The following OR52N5 variants were observed in gnomAD, a reference collection of about 807,000 sequenced individuals.
OR52N5 encodes olfactory receptor 52N5.
A neutral mutation model predicts 14.1 loss-of-function variants in OR52N5; 10 were observed. The ratio of observed to expected loss-of-function variants is 0.71; its 90% CI spans 0.44 to 1.20. OR52N5 has a LOEUF of 1.20. Among genes scored for constraint, OR52N5 ranks in the 50% most tolerant of loss-of-function variants. The probability of loss-of-function intolerance (pLI) is 0.00; values close to 1 mark genes in which losing one functional copy is unlikely to be tolerated. For missense variants in OR52N5, 361 were observed against 403.2 expected, an observed-to-expected ratio of 0.90 and a Z score of 0.90; for synonymous variants, 116 against 143.0, an observed-to-expected ratio of 0.81 and a Z score of 1.35.
At position 5,777,726 on chromosome 11, in the gene OR52N5, TCC is replaced by T. The variant is rs1475127085; in HGVS notation, c.907_908del (p.Gly303SerfsTer17). 2.6e-6 allele frequency: 4 copies of T among 1,514,478 alleles called. 1 individual carries two copies. Among genetic ancestry groups the T allele is most frequent in the Non-Finnish European group, 3.6e-6 (4 of 1,110,086 alleles). The allele number at this position is 1,514,478 out of a possible 1,614,324, so 93.8% of individuals were successfully genotyped here. On this transcript the variant is annotated frameshift_variant, in exon 3 of 3. Coordinates refer to ENST00000641181, the MANE Select transcript of OR52N5 (RefSeq NM_001385662.1). LOFTEE classifies it high-confidence loss of function. Reference sequence around the variant, plus strand: ...TCTTGCGTATCTGTTTTGTCTTTACTCCATAAACAATAGGGTTTAGAGTTGGG... The same window carrying T: ...TCTTGCGTATCTGTTTTGTCTTTACTATAAACAATAGGGTTTAGAGTTGGG... ...LPPTLNPIVY[G>X]VKTKQIRKSV... is the part of the protein sequence containing the mutation.
In OR52N5 at chr11:5,778,050, C is replaced by G. The variant is rs1395206912; in HGVS notation, c.585G>C (p.Lys195Asn). ...HTYCDHMSVV[K>N]LSCASIKVNV... ...TGACCTTGATGCTGGCACAAGATAG[C>G]TTTACTACAGACATGTGGTCGCAGT... Residue 195 changes from lysine (K) to asparagine (N), a missense_variant, in exon 3 of 3, where the codon AAG becomes AAC. By Grantham distance (94) the Lys-to-Asn change is moderately conservative. Transcript: ENST00000641181. 2.0e-6 allele frequency: 3 copies of G among 1,520,918 alleles called. 1 individual carries two copies. In the African/African-American group the frequency reaches 4.3e-5, roughly 22 times the overall value. 94.2% of individuals were successfully genotyped at this position (1,520,918 alleles called of 1,614,324 possible).
rs537843413 is a variant in OR52N5, at chr11:5,780,334, C to T, written c.-24+1199G>A. On this transcript the variant is annotated intron_variant, in intron 2 of 2. Transcript: ENST00000641181. Reference sequence around the variant, plus strand: ...GGTTTAAATACTTGCTAATCCCCCCCAGATACATATACTTAAAGTCTATGT... The same window carrying T: ...GGTTTAAATACTTGCTAATCCCCCCTAGATACATATACTTAAAGTCTATGT... Among the ~76,000 whole-genome samples the T allele has an allele frequency of 1.1e-4, 15 of 139,820 alleles. 2 individuals carry two copies. In the South Asian group the frequency reaches 2.3e-3, roughly 22 times the overall value. The allele number at this position is 139,820 out of a possible 152,430, so 91.7% of individuals were successfully genotyped here.
Position 5,778,115 on chromosome 11 carries a change from G to A in OR52N5, c.520C>T (p.Arg174Cys), listed in dbSNP as rs563908927. Residue 174 changes from arginine (R) to cysteine (C), a missense_variant, in exon 3 of 3, where the codon CGT becomes TGT. Arg to Cys is a radical substitution (Grantham distance 180). Transcript: ENST00000641181. ...ATATTGCTTTGGCAGAAAGGCAAAC[G>A]CTTAACCAAGAATGGGAAAGGAATC... ...LMIPFPFLVK[R>C]LPFCQSNIIS... 50 of 1,520,536 alleles carry A rather than the reference G, an allele frequency of 3.3e-5. 8 individuals carry two copies. The highest frequency in any genetic ancestry group is 9.3e-5 in the East Asian group (4 of 42,890). The allele number at this position is 1,520,536 out of a possible 1,614,324, so 94.2% of individuals were successfully genotyped here. A position where few individuals can be genotyped will look rare whatever the true frequency, so the allele number is the denominator to read the frequency against.
Position 5,778,430 on chromosome 11 carries a change from A to G in OR52N5, c.205T>C (p.Phe69Leu). The G allele has an allele frequency of 6.6e-7, 1 of 1,517,492 alleles. No homozygotes were observed. The highest frequency in any genetic ancestry group is 9.0e-7 in the Non-Finnish European group (1 of 1,111,638). The allele number at this position is 1,517,492 out of a possible 1,614,324, so 94.0% of individuals were successfully genotyped here. The change falls in exon 3 of 3, where the codon TTT becomes CTT. Residue 69 changes from phenylalanine (F) to leucine (L), a missense_variant. Physicochemically the swap from Phe to Leu is conservative, Grantham distance 22. Coordinates refer to ENST00000641181, the MANE Select transcript of OR52N5 (RefSeq NM_001385662.1). ...AGGGAGAGAGCATGGCCAAAAAAAA[A>G]ATACATCGGATGATGTAAGGACTCC... ...YEESLHHPMY[F>L]FFGHALSLID...
chr11:5,782,860 T>C (rs1344013271), intron 1 of OR52N5, among the ~76,000 whole-genome samples: 1 of 139,234 alleles, frequency 7.2e-6, no homozygotes, highest in Non-Finnish European at 1.6e-5. Flanking sequence ...CCAAGTTGTA[T>C]GACCCAACTT....
At position 5,781,928 on chromosome 11, in the gene OR52N5, T is replaced by C. The variant is rs1466700557; in HGVS notation, c.-247-172A>G. 2.1e-5 allele frequency among the ~76,000 whole-genome samples: 3 copies of C among 140,364 alleles called. 1 individual carries two copies. The Admixed American group carries it at 2.2e-4, about 10-fold the overall frequency. 92.1% of individuals were successfully genotyped at this position (140,364 alleles called of 152,430 possible). Reference sequence around the variant, plus strand: ...CTAGTGATGGCTTGGAACAGTATTTTTTCAAGGAATTCAGGAACCAGTACA... The same window carrying C: ...CTAGTGATGGCTTGGAACAGTATTTCTTCAAGGAATTCAGGAACCAGTACA... On this transcript the variant is annotated intron_variant, in intron 1 of 2. Transcript: ENST00000641181.
rs143076189 is a variant in OR52N5 at position 5,778,894 on chromosome 11, A to G, written c.-23-237T>C. Among the ~76,000 whole-genome samples the G allele has an allele frequency of 2.3e-3, 318 of 140,290 alleles. 50 individuals carry two copies. The highest frequency in any genetic ancestry group is 7.8e-3 in the African/African-American group (301 of 38,416). 92.0% of individuals were successfully genotyped at this position (140,290 alleles called of 152,430 possible). A position where few individuals can be genotyped will look rare whatever the true frequency, so the allele number is the denominator to read the frequency against. ...AGTTGTATTTTTTTTACCACAAAATAAAAGTAGAAACTGGGGCGCAGAAAG... is the reference window on the plus strand; with the variant it reads ...AGTTGTATTTTTTTTACCACAAAATGAAAGTAGAAACTGGGGCGCAGAAAG... On this transcript the variant is annotated intron_variant, in intron 2 of 2. Coordinates refer to ENST00000641181, the MANE Select transcript of OR52N5 (RefSeq NM_001385662.1).
chr11:5,780,164 C>T lies in OR52N5; in HGVS notation c.-24+1369G>A, dbSNP rs1322262649. ...TCTTCCCATTACTTTGAGAACAGGG[C>T]TCAAATTCCTTGGTATGACATTTAA... is the stretch of plus-strand genomic sequence containing the variant. On this transcript the variant is annotated intron_variant, in intron 2 of 2. Coordinates refer to ENST00000641181, the MANE Select transcript of OR52N5 (RefSeq NM_001385662.1). Among the ~76,000 whole-genome samples, 3 of 139,664 alleles carry T rather than the reference C, an allele frequency of 2.1e-5. 1 individual carries two copies. In the East Asian group the frequency reaches 6.1e-4, roughly 29 times the overall value. 91.6% of individuals were successfully genotyped at this position (139,664 alleles called of 152,430 possible). A position where few individuals can be genotyped will look rare whatever the true frequency, so the allele number is the denominator to read the frequency against.
chr11:5,777,992 T>C lies in OR52N5; in HGVS notation c.643A>G (p.Ile215Val). 1.3e-6 allele frequency: 2 copies of C among 1,519,508 alleles called. 1 individual carries two copies. Among genetic ancestry groups the C allele is most frequent in the Non-Finnish European group, 1.8e-6 (2 of 1,112,938 alleles). The allele number at this position is 1,519,508 out of a possible 1,614,324, so 94.1% of individuals were successfully genotyped here. The change falls in exon 3 of 3, where the codon ATT (isoleucine) becomes GTT (valine). Residue 215 changes from isoleucine (I) to valine (V), a missense_variant. Transcript: ENST00000641181. ...ATACAACAAATGTCAAACACTCCAA[T>C]CAGGAGAGCAACCATTAGACCATAG... is the stretch of plus-strand genomic sequence containing the variant. ...VIYGLMVALL[I>V]GVFDICCISL...
intron 2 of OR52N5, among the ~76,000 whole-genome samples, chr11:5,779,211 T>A (rs1397975635): frequency 2.1e-5 from 3 of 140,434 alleles, no homozygotes; most frequent in Non-Finnish European, 4.7e-5. Context: ...CAAGCCTCAG[T>A]TGCTCATCTT....
Position 5,777,576 on chromosome 11 carries a change from G to C in OR52N5, c.*84C>G, listed in dbSNP as rs181482543. 417 of 1,063,942 alleles carry C rather than the reference G, an allele frequency of 3.9e-4. 59 individuals are homozygous for C. The African/African-American group carries it at 6.4e-3, about 16-fold the overall frequency. The allele number at this position is 1,063,942 out of a possible 1,614,324, so 65.9% of individuals were successfully genotyped here. A position where few individuals can be genotyped will look rare whatever the true frequency, so the allele number is the denominator to read the frequency against. On this transcript the variant is annotated 3_prime_UTR_variant, in exon 3 of 3. Coordinates refer to ENST00000641181, the MANE Select transcript of OR52N5 (RefSeq NM_001385662.1). Reference sequence around the variant, plus strand: ...AGAGAAAATGTATGATACTACACATGAATAAATGTAAAATATCACACGTAA... The same window carrying C: ...AGAGAAAATGTATGATACTACACATCAATAAATGTAAAATATCACACGTAA...
At chr11:5,782,739 G>A (rs1405966502) in intron 1 of OR52N5, among the ~76,000 whole-genome samples, 2 of 139,014 alleles carry the variant, frequency 1.4e-5, no homozygotes, top group African/African-American at 5.3e-5. Context: ...ACTGACCTGT[G>A]AGCTCTTTTA....
In OR52N5 at chr11:5,777,966, T is replaced by C. The variant is rs1171130885; in HGVS notation, c.669A>G (p.Ile223Met). The C allele has an allele frequency of 3.3e-6, 5 of 1,520,262 alleles. 1 individual carries two copies. The South Asian group carries it at 4.7e-5, about 14-fold the overall frequency. 94.2% of individuals were successfully genotyped at this position (1,520,262 alleles called of 1,614,324 possible). ...LLIGVFDICC[I>M]SLSYTLILKA... Reference sequence around the variant, plus strand: ...TGAGGATCAAAGTGTAAGACAAAGATATACAACAAATGTCAAACACTCCAA... The same window carrying C: ...TGAGGATCAAAGTGTAAGACAAAGACATACAACAAATGTCAAACACTCCAA... The change falls in exon 3 of 3, where the codon ATA becomes ATG. Residue 223 changes from isoleucine (I) to methionine (M), a missense_variant. Transcript: ENST00000641181.
At chr11:5,782,952 G>A (rs1383470393) in intron 1 of OR52N5, among the ~76,000 whole-genome samples, 1 of 138,452 alleles carries the variant, frequency 7.2e-6, no homozygotes, top group South Asian at 2.4e-4. Flanking sequence ...CCTGATTTAA[G>A]AGACAGTAAA....
chr11:5,780,055 G>A (rs1854536961), intron 2 of OR52N5, among the ~76,000 whole-genome samples: 1 of 139,762 alleles, frequency 7.2e-6, no homozygotes, highest in Admixed American at 7.4e-5. Context: ...TCTTGGCATT[G>A]CCTCTTTAGT....
rs1299105283 is a variant in OR52N5, at chr11:5,779,598, T to C, written c.-23-941A>G. 1.4e-5 allele frequency among the ~76,000 whole-genome samples: 2 copies of C among 140,172 alleles called. 1 individual carries two copies. Among genetic ancestry groups the C allele is most frequent in the East Asian group, 4.1e-4 (2 of 4,886 alleles). The allele number at this position is 140,172 out of a possible 152,430, so 92.0% of individuals were successfully genotyped here. On this transcript the variant is annotated intron_variant, in intron 2 of 2. Transcript: ENST00000641181. ...ACCTCAAGTATAACCAACATGAAGATAATTTTCAGATAATTACTTGTATAA... is the reference window on the plus strand; with the variant it reads ...ACCTCAAGTATAACCAACATGAAGACAATTTTCAGATAATTACTTGTATAA...
Position 5,778,004 on chromosome 11 carries a change from C to T in OR52N5, c.631G>A (p.Val211Ile). 6.6e-7 allele frequency: 1 copy of T among 1,520,182 alleles called. No homozygotes were observed. Among genetic ancestry groups the T allele is most frequent in the East Asian group, 2.3e-5 (1 of 42,854 alleles). The allele number at this position is 1,520,182 out of a possible 1,614,324, so 94.2% of individuals were successfully genotyped here. A position where few individuals can be genotyped will look rare whatever the true frequency, so the allele number is the denominator to read the frequency against. Residue 211 changes from valine to isoleucine, a missense_variant, in exon 3 of 3, where the codon GTT becomes ATT. Val to Ile is a conservative substitution (Grantham distance 29, BLOSUM62 3). Transcript: ENST00000641181. ...TCAAACACTCCAATCAGGAGAGCAA[C>T]CATTAGACCATAGATTACATTGACC... ...IKVNVIYGLM[V>I]ALLIGVFDIC...
At position 5,781,145 on chromosome 11, in the gene OR52N5, G is replaced by C. The variant is rs966371840; in HGVS notation, c.-24+388C>G. ...CATTAAAGCAAATCCCTTATAAACA[G>C]AATTAATGCAGAAGTTGTGGACTAA... On this transcript the variant is annotated intron_variant, in intron 2 of 2. Coordinates refer to ENST00000641181, the MANE Select transcript of OR52N5 (RefSeq NM_001385662.1). Among the ~76,000 whole-genome samples, 6 of 140,122 alleles carry C rather than the reference G, an allele frequency of 4.3e-5. 2 individuals are homozygous for C. The highest frequency in any genetic ancestry group is 9.5e-5 in the Non-Finnish European group (6 of 63,380). The allele number at this position is 140,122 out of a possible 152,430, so 91.9% of individuals were successfully genotyped here.
At position 5,778,208 on chromosome 11, in the gene OR52N5, T is replaced by A; in HGVS notation, c.427A>T (p.Thr143Ser). The change falls in exon 3 of 3, where the codon ACC becomes TCC. Residue 143 changes from threonine to serine, a missense_variant. By Grantham distance (58) the Thr-to-Ser change is moderately conservative (BLOSUM62 1). Coordinates refer to ENST00000641181, the MANE Select transcript of OR52N5 (RefSeq NM_001385662.1). ...VAICYPLRYA[T>S]TLTNPIIAKA... is the part of the protein sequence containing the mutation. ...GCAATGATAGGGTTGGTGAGTGTGG[T>A]AGCATAACGCAAAGGGTAGCAAATG... 6.6e-7 allele frequency: 1 copy of A among 1,520,176 alleles called. No homozygotes were observed. The highest frequency in any genetic ancestry group is 9.0e-7 in the Non-Finnish European group (1 of 1,113,800). 94.2% of individuals were successfully genotyped at this position (1,520,176 alleles called of 1,614,324 possible). A position where few individuals can be genotyped will look rare whatever the true frequency, so the allele number is the denominator to read the frequency against.
Sources: gnomAD v4.1 joint callset for allele counts (sites outside exome capture counted in the v4.1 genomes callset) on GRCh38, gnomAD v4.1.1 for gene constraint, MANE v1.5 for transcripts, NCBI Gene and HGNC (gene_info 2026-07-23, HGNC 2026-07-21) for gene names.